TRAPPC3L: variants seen among roughly 807,000 people sequenced by gnomAD.
TRAPPC3L encodes trafficking protein particle complex subunit 3-like protein.
TRAPPC3L carries 23 observed loss-of-function variants against 23.7 expected under a neutral mutation model. That is an observed-to-expected ratio of 0.97 (90% CI 0.70 to 1.37). The LOEUF is 1.37. Ranked by LOEUF, TRAPPC3L falls within the 40% of genes most tolerant of loss-of-function variation. The probability of loss-of-function intolerance (pLI) is 0.00; values close to 1 mark genes in which losing one functional copy is unlikely to be tolerated. For missense variants in TRAPPC3L, 212 were observed against 216.8 expected (o/e 0.98, Z 0.14); for synonymous variants, 81 against 77.9 (o/e 1.04, Z -0.21).
At chr6:116,513,369 A>C (rs1772162389) in intron 3 of TRAPPC3L, among the ~76,000 whole-genome samples, 1 of 152,176 alleles carries the variant, frequency 6.6e-6, no homozygotes, top group Non-Finnish European at 1.5e-5. Context: ...CAGGCTCCCA[A>C]ATGTCTTGTG....
chr6:116,515,615 C>T, intron 3 of TRAPPC3L: 3 of 1,610,452 alleles, frequency 1.9e-6, no homozygotes, highest in Non-Finnish European at 2.5e-6. Flanking sequence ...AGGATGGTGC[C>T]TGATTTGTTC....
chr6:116,498,857 C>T lies in TRAPPC3L; in HGVS notation c.426+1624G>A, dbSNP rs117834918. Among the ~76,000 whole-genome samples, 619 of 152,166 alleles carry T rather than the reference C, an allele frequency of 4.1e-3. 3 individuals are homozygous for T. The highest frequency in any genetic ancestry group is 6.3e-3 in the Non-Finnish European group (428 of 68,004). On this transcript the variant is annotated intron_variant, in intron 4 of 4. Transcript: ENST00000368602. ...TTGGTATCCTTTTCAGCCTTTGTGC[C>T]CTCTGTTTAACCTACTTATTATATT...
chr6:116,511,073 G>A (rs1301318302), intron 3 of TRAPPC3L, among the ~76,000 whole-genome samples: 8 of 146,252 alleles, frequency 5.5e-5, no homozygotes, highest in Admixed American at 1.4e-4. Context: ...ATACATATCC[G>A]GTGATGGGTG....
At chr6:116,515,453 A>AT in intron 3 of TRAPPC3L, 1 of 904,604 alleles carries the variant, frequency 1.1e-6, no homozygotes, top group Admixed American at 2.7e-5. Context: ...AAGTGAGTTT[A>AT]AAGTGTTTAA....
At chr6:116,527,440 G>A (rs891914680) in intron 3 of TRAPPC3L, among the ~76,000 whole-genome samples, 3 of 151,772 alleles carry the variant, frequency 2.0e-5, no homozygotes, top group South Asian at 2.1e-4. Context: ...GCGTGAACCG[G>A]GGAGGCGGAG....
At chr6:116,511,791 G>T in intron 3 of TRAPPC3L, 2 of 1,614,090 alleles carry the variant, frequency 1.2e-6, no homozygotes, top group Non-Finnish European at 1.7e-6. Flanking sequence ...GGAAGTGAGC[G>T]TCTCTTTTCT....
chr6:116,541,202 T>G (rs1773431306), intron 2 of TRAPPC3L, among the ~76,000 whole-genome samples: 1 of 152,042 alleles, frequency 6.6e-6, no homozygotes, highest in African/African-American at 2.4e-5. Flanking sequence ...GAGCACACAC[T>G]TTCAACAAGA....
chr6:116,509,946 C>T (rs1203344765), intron 3 of TRAPPC3L, among the ~76,000 whole-genome samples: 2 of 152,136 alleles, frequency 1.3e-5, no homozygotes, highest in Admixed American at 1.3e-4. Flanking sequence ...GGACTAATAT[C>T]CAGTATCTAT....
intron 3 of TRAPPC3L, among the ~76,000 whole-genome samples, chr6:116,514,471 T>G (rs926419747): frequency 1.3e-5 from 2 of 152,236 alleles, no homozygotes; most frequent in African/African-American, 4.8e-5. Context: ...ATTTGAAGAA[T>G]AGCAGCATAT....
rs772283149 is a variant in TRAPPC3L, at chr6:116,500,503, A to C, written c.404T>G (p.Ile135Ser). 3.2e-6 allele frequency: 5 copies of C among 1,550,714 alleles called. No homozygotes were observed. The highest frequency in any genetic ancestry group is 1.4e-5 in the African/African-American group (1 of 73,118). ...SLCYCNLLCG[I>S]IRGALEMVHL... is the part of the protein sequence containing the mutation. ...TACCATTTCCAAGGCACCTCTGATA[A>C]TCCCACAGAGCAAGTTGCAGTAGCA... The change falls in exon 4 of 5, where the codon ATT (isoleucine) becomes AGT (serine). Residue 135 changes from isoleucine (I) to serine (S), a missense_variant. By Grantham distance (142) the Ile-to-Ser change is moderately radical. Coordinates refer to ENST00000368602, the MANE Select transcript of TRAPPC3L (RefSeq NM_001139444.3).
intron 4 of TRAPPC3L, among the ~76,000 whole-genome samples, chr6:116,497,361 C>T (rs1771847701): frequency 1.3e-5 from 2 of 152,276 alleles, no homozygotes; most frequent in South Asian, 4.1e-4. Context: ...ACTCTGGATC[C>T]ATCTTCAGAA....
At chr6:116,516,675 A>G (rs1293350913) in intron 3 of TRAPPC3L, 2 of 53,010 alleles carry the variant, frequency 3.8e-5, no homozygotes, top group Non-Finnish European at 9.3e-5. Flanking sequence ...ATATATATAT[A>G]TATATATATA....
At chr6:116,514,398 C>A (rs1187039336) in intron 3 of TRAPPC3L, among the ~76,000 whole-genome samples, 1 of 152,164 alleles carries the variant, frequency 6.6e-6, no homozygotes, top group Non-Finnish European at 1.5e-5. Flanking sequence ...GTGCCTCACT[C>A]ATTAATTATA....
Position 116,543,380 on chromosome 6 carries a change from A to G in TRAPPC3L, c.63T>C (p.Leu21=), listed in dbSNP as rs1436527958. 2 of 1,549,730 alleles carry G rather than the reference A, an allele frequency of 1.3e-6. No homozygotes were observed. Among genetic ancestry groups the G allele is most frequent in the African/African-American group, 2.7e-5 (2 of 73,074 alleles). Residue 21 remains leucine (L), a synonymous_variant, in exon 2 of 5, where the codon CTT becomes CTC. Coordinates refer to ENST00000368602, the MANE Select transcript of TRAPPC3L (RefSeq NM_001139444.3). ...YHKINKDLFV[L]TYGALVAQLC... ...GCTGGGCAACCAGAGCTCCATAGGTAAGGACAAAGAGATCTTTATTCTGGA... is the reference window on the plus strand; with the variant it reads ...GCTGGGCAACCAGAGCTCCATAGGTGAGGACAAAGAGATCTTTATTCTGGA...
intron 3 of TRAPPC3L, among the ~76,000 whole-genome samples, chr6:116,502,966 C>G (rs1037277714): frequency 6.6e-6 from 1 of 152,182 alleles, no homozygotes; most frequent in African/African-American, 2.4e-5. Flanking sequence ...ACTGCATCAA[C>G]TACTGGGCAA....
chr6:116,501,985 T>A (rs1003206308), intron 3 of TRAPPC3L, among the ~76,000 whole-genome samples: 1 of 152,112 alleles, frequency 6.6e-6, no homozygotes, highest in Admixed American at 6.5e-5. Flanking sequence ...AGAACACAAC[T>A]CTTTGCCAGC....
chr6:116,537,614 T>A (rs148832010), intron 3 of TRAPPC3L, among the ~76,000 whole-genome samples: 1 of 152,324 alleles, frequency 6.6e-6, no homozygotes, highest in Non-Finnish European at 1.5e-5. Flanking sequence ...TTGTTCTATT[T>A]CCACATATTG....
intron 3 of TRAPPC3L, among the ~76,000 whole-genome samples, chr6:116,502,356 C>T (rs980920809): frequency 1.3e-5 from 2 of 152,114 alleles, no homozygotes; most frequent in Non-Finnish European, 2.9e-5. Flanking sequence ...ACAAAGCCTC[C>T]AAGAAATATG....
At chr6:116,501,817 G>A (rs921945631) in intron 3 of TRAPPC3L, among the ~76,000 whole-genome samples, 5 of 152,160 alleles carry the variant, frequency 3.3e-5, no homozygotes, top group African/African-American at 9.7e-5. Flanking sequence ...GAACAGAAAG[G>A]AATAGCATCA....
Sources: gnomAD v4.1 joint callset for allele counts (sites outside exome capture counted in the v4.1 genomes callset) on GRCh38, gnomAD v4.1.1 for gene constraint, MANE v1.5 for transcripts, NCBI Gene and HGNC (gene_info 2026-07-23, HGNC 2026-07-21) for gene names.